The following PARP11 variants were observed in gnomAD, a reference collection of about 807,000 sequenced individuals.
PARP11 encodes poly(ADP-ribose) polymerase family member 11.
A neutral mutation model predicts 42.9 loss-of-function variants in PARP11; 31 were observed. That is an observed-to-expected ratio of 0.72 (90% CI 0.54 to 0.98). The LOEUF is 0.98. Among genes scored for constraint, PARP11 ranks in the 50% least tolerant of loss-of-function variants. The probability of loss-of-function intolerance (pLI) is 0.00; values close to 1 mark genes in which losing one functional copy is unlikely to be tolerated. For synonymous variants in PARP11, 137 were observed against 127.3 expected (o/e 1.08, Z -0.51); for missense variants, 365 against 413.1 (o/e 0.88, Z 1.01).
At chr12:3,820,075 T>C (rs1947362824) in intron 6 of PARP11, among the ~76,000 whole-genome samples, 1 of 152,222 alleles carries the variant, frequency 6.6e-6, no homozygotes, top group African/African-American at 2.4e-5. Context: ...CCTCACTTTG[T>C]GCTCCCATGA....
In PARP11 at chr12:3,873,391, T is replaced by C; in HGVS notation, c.-162A>G. The C allele has an allele frequency of 1.5e-6, 1 of 680,818 alleles. No individual in the cohort carries two copies. 42.2% of individuals were successfully genotyped at this position (680,818 alleles called of 1,614,324 possible). On this transcript the variant is annotated 5_prime_UTR_variant, in exon 1 of 8. Transcript: ENST00000228820. The stretch of plus-strand genomic sequence containing the variant: ...CCCCCTCCCTGTCACAAGCCAGCGT[T>C]TACAGACCACCCAACCTCCCGACTT...
At chr12:3,829,304 T>C (rs1947590803) in intron 2 of PARP11, among the ~76,000 whole-genome samples, 1 of 152,234 alleles carries the variant, frequency 6.6e-6, no homozygotes, top group Non-Finnish European at 1.5e-5. Context: ...TTACAATTTT[T>C]ACAGATTATT....
At chr12:3,843,289 A>C (rs1466015460) in intron 1 of PARP11, among the ~76,000 whole-genome samples, 1 of 152,216 alleles carries the variant, frequency 6.6e-6, no homozygotes, top group Non-Finnish European at 1.5e-5. Flanking sequence ...CATGGTGCCT[A>C]CTCGAAAGAA....
At chr12:3,822,261 G>T in intron 4 of PARP11, 104 bp from the exon 5 acceptor site, 1 of 861,596 alleles carries the variant, frequency 1.2e-6, no homozygotes, top group South Asian at 1.6e-5. Context: ...AGGGTATTGT[G>T]ACAAATGCAA....
chr12:3,824,490 T>G (rs2099786573), intron 4 of PARP11: 1 of 218,422 alleles, frequency 4.6e-6, no homozygotes, highest in East Asian at 1.8e-4. Flanking sequence ...ATTACCTACC[T>G]TGCATGTGAT....
intron 3 of PARP11, among the ~76,000 whole-genome samples, chr12:3,827,100 G>C (rs533614625): frequency 6.6e-6 from 1 of 152,346 alleles, no homozygotes; most frequent in East Asian, 1.9e-4. Context: ...TGTGGAGCAA[G>C]ACCTGTGATG....
chr12:3,822,489 C>T (rs1411169847), intron 4 of PARP11, among the ~76,000 whole-genome samples: 21 of 147,270 alleles, frequency 1.4e-4, no homozygotes, highest in Non-Finnish European at 3.0e-5. Context: ...GTCCCAGCTA[C>T]TCGGGAGGCT....
intron 1 of PARP11, among the ~76,000 whole-genome samples, chr12:3,844,699 A>G (rs1166978789): frequency 6.6e-6 from 1 of 152,210 alleles, no homozygotes; most frequent in Non-Finnish European, 1.5e-5. Context: ...TGTTTCCCAT[A>G]TCTCACCTCT....
chr12:3,852,158 T>TA (rs1394459274), intron 1 of PARP11, among the ~76,000 whole-genome samples: 2 of 152,136 alleles, frequency 1.3e-5, no homozygotes, highest in African/African-American at 4.8e-5. Context: ...CAAAGGTAGA[T>TA]AAAACCACAA....
chr12:3,827,386 C>T (rs1008921431), intron 3 of PARP11, among the ~76,000 whole-genome samples: 2 of 152,152 alleles, frequency 1.3e-5, no homozygotes, highest in Non-Finnish European at 2.9e-5. Context: ...AAAAAATATT[C>T]TTTCAGAAAC....
At chr12:3,839,068 G>A (rs1293917076) in intron 1 of PARP11, among the ~76,000 whole-genome samples, 1 of 152,026 alleles carries the variant, frequency 6.6e-6, no homozygotes, top group Non-Finnish European at 1.5e-5. Context: ...GCGCGTGTTC[G>A]CTCCGAGGAG....
intron 1 of PARP11, chr12:3,841,594 T>C: frequency 6.2e-7 from 1 of 1,612,644 alleles, no homozygotes; most frequent in Non-Finnish European, 8.5e-7. Flanking sequence ...TCACGGACAA[T>C]TGTCTTACCA....
intron 7 of PARP11, among the ~76,000 whole-genome samples, chr12:3,813,019 G>A (rs1452710062): frequency 6.6e-6 from 1 of 152,118 alleles, no homozygotes; most frequent in Non-Finnish European, 1.5e-5. Flanking sequence ...TGGCCAGGCT[G>A]ATCTTGAACT....
chr12:3,857,266 T>TA (rs1325645488), intron 1 of PARP11, among the ~76,000 whole-genome samples: 1 of 151,982 alleles, frequency 6.6e-6, no homozygotes, highest in African/African-American at 2.4e-5. Context: ...CCCTGGAACT[T>TA]AAAGTATAAT....
At chr12:3,842,205 T>C (rs1243007606) in intron 1 of PARP11, 1 of 1,608,000 alleles carries the variant, frequency 6.2e-7, no homozygotes, top group Admixed American at 1.7e-5. Flanking sequence ...TGGGGCCAAC[T>C]CTGTGGATAG....
intron 4 of PARP11, chr12:3,824,739 G>T: frequency 3.1e-6 from 1 of 320,180 alleles, no homozygotes; most frequent in Non-Finnish European, 4.5e-6. Context: ...AAGCACAGCA[G>T]ATACAATGTA....
chr12:3,857,618 T>C (rs1297616562), intron 1 of PARP11, among the ~76,000 whole-genome samples: 1 of 151,710 alleles, frequency 6.6e-6, no homozygotes, highest in Non-Finnish European at 1.5e-5. Context: ...GTAAATTTCT[T>C]ACCAGTCCAT....
In PARP11 at chr12:3,864,405, G is replaced by A. The variant is rs1216866332; in HGVS notation, c.18+8807C>T. On this transcript the variant is annotated intron_variant, in intron 1 of 7. Coordinates refer to ENST00000228820, the MANE Select transcript of PARP11 (RefSeq NM_020367.6). ...TCTGTAGTTTTCTATGATGGGTTTTGAAATAAGGGTCTGACAGCCTTATGA... is the reference window on the plus strand; with the variant it reads ...TCTGTAGTTTTCTATGATGGGTTTTAAAATAAGGGTCTGACAGCCTTATGA... Among the ~76,000 whole-genome samples, 7 of 152,168 alleles carry A rather than the reference G, an allele frequency of 4.6e-5. No individual in the cohort carries two copies. The East Asian group carries it at 1.3e-3, about 29-fold the overall frequency.
At chr12:3,863,974 T>A (rs1477030486) in intron 1 of PARP11, 1 of 152,018 alleles carries the variant, frequency 6.6e-6, no homozygotes, top group Non-Finnish European at 1.5e-5. Flanking sequence ...AGACAAAAAA[T>A]TTCAAGAGCT....
Sources: allele counts gnomAD v4.1 joint callset (sites outside exome capture counted in the v4.1 genomes callset), GRCh38; gene constraint gnomAD v4.1.1; transcripts MANE v1.5; gene names NCBI Gene and HGNC (gene_info 2026-07-23, HGNC 2026-07-21).